PACS2: variants seen among roughly 807,000 people sequenced by gnomAD.
PACS2 encodes the protein phosphofurin acidic cluster sorting protein 2.
Under a neutral mutation model 113.0 loss-of-function variants are expected in PACS2, and 36 were observed. The observed-to-expected ratio is 0.32, with a 90% CI of 0.24 to 0.42. The LOEUF is 0.42. PACS2 is among the 10% of genes least tolerant of loss of function. The pLI is 1.00. For synonymous variants in PACS2, 589 were observed against 536.1 expected (o/e 1.10, Z -1.36); for missense variants, 1,015 against 1,239.5 (o/e 0.82, Z 2.72).
chr14:105,397,486 C>T lies in PACS2; in HGVS notation c.*2814C>T, dbSNP rs1247560966. The T allele has an allele frequency of 6.6e-6, 1 of 152,304 alleles. No individual in the cohort carries two copies. Among genetic ancestry groups the T allele is most frequent in the Non-Finnish European group, 1.5e-5 (1 of 68,108 alleles). 9.4% of individuals were successfully genotyped at this position (152,304 alleles called of 1,614,324 possible). A position where few individuals can be genotyped will look rare whatever the true frequency, so the allele number is the denominator to read the frequency against. ...AAGCCACCAGTCACCACCGAGGCAC[C>T]CCTCAGGCCTGGTGGCCACTGTCCA... On this transcript the variant is annotated 3_prime_UTR_variant, in exon 25 of 25. Transcript: ENST00000447393.
At chr14:105,359,050 G>A (rs1486770778) in intron 4 of PACS2, among the ~76,000 whole-genome samples, 4 of 152,160 alleles carry the variant, frequency 2.6e-5, no homozygotes, top group African/African-American at 9.7e-5. Flanking sequence ...ACTCAGTGTG[G>A]CCCAGGTGTC....
intron 24 of PACS2, chr14:105,394,263 A>G (rs1177570359): frequency 1.0e-6 from 1 of 985,272 alleles, no homozygotes; most frequent in African/African-American, 1.7e-5. Flanking sequence ...GCCTGGCGGA[A>G]GGTGGTGGGG....
intron 17 of PACS2, 73 bp downstream of exon 17, chr14:105,384,536 CCAGG>C: frequency 1.1e-6 from 1 of 910,128 alleles, no homozygotes. Context: ...GATGCTGTGC[CCAGG>C]AGGCCCTGCA....
chr14:105,334,555 G>A (rs1339791152), intron 1 of PACS2, among the ~76,000 whole-genome samples: 1 of 151,536 alleles, frequency 6.6e-6, no homozygotes, highest in South Asian at 2.1e-4. Context: ...CAGTGCCTAC[G>A]TAGAGCTCCA....
chr14:105,367,444 G>A (rs1322414943), intron 5 of PACS2, 69 bp downstream of exon 5: 22 of 1,498,252 alleles, frequency 1.5e-5, no homozygotes, highest in East Asian at 6.8e-5. Flanking sequence ...ATGGCACATC[G>A]GGTGGCAGAA....
chr14:105,380,940 C>T lies in PACS2; in HGVS notation c.1126-17C>T, dbSNP rs587639081. 22 of 1,603,064 alleles carry T rather than the reference C, an allele frequency of 1.4e-5. No individual in the cohort carries two copies. In the South Asian group the frequency reaches 2.0e-4, roughly 15 times the overall value. On this transcript the variant is annotated splice_polypyrimidine_tract_variant and intron_variant, in intron 11 of 24. Coordinates refer to ENST00000447393, the MANE Select transcript of PACS2 (RefSeq NM_001100913.3). Reference sequence around the variant, plus strand: ...GTGGTTTCCACGGGAGGCTCCAGGCCCGTCTCTGCTCAGCAGGGTGTGCCA... The same window carrying T: ...GTGGTTTCCACGGGAGGCTCCAGGCTCGTCTCTGCTCAGCAGGGTGTGCCA...
intron 4 of PACS2, among the ~76,000 whole-genome samples, chr14:105,364,453 CGCG>C (rs2141122576): frequency 1.0e-5 from 1 of 95,280 alleles, no homozygotes; most frequent in Admixed American, 1.1e-4. Flanking sequence ...GTCCCGGGTG[CGCG>C]GTGGGCGGCG....
chr14:105,390,357 C>A, intron 20 of PACS2: 1 of 336,520 alleles, frequency 3.0e-6, no homozygotes, highest in East Asian at 6.2e-5. Context: ...CTTTAGGAGC[C>A]CAAGGCCCCG....
At chr14:105,377,928 G>T (rs969001754) in intron 9 of PACS2, among the ~76,000 whole-genome samples, 2 of 152,238 alleles carry the variant, frequency 1.3e-5, no homozygotes, top group Non-Finnish European at 2.9e-5. Context: ...CAGGCCCAGC[G>T]TGGTGGTTGG....
At chr14:105,359,097 C>T (rs1470392644) in intron 4 of PACS2, among the ~76,000 whole-genome samples, 5 of 152,212 alleles carry the variant, frequency 3.3e-5, no homozygotes, top group South Asian at 4.1e-4. Context: ...CCCTACACGG[C>T]GGTGCATGGC....
At chr14:105,337,309 A>T (rs2140942290) in intron 1 of PACS2, among the ~76,000 whole-genome samples, 1 of 152,220 alleles carries the variant, frequency 6.6e-6, no homozygotes, top group South Asian at 2.1e-4. Flanking sequence ...GTTGGGGTTG[A>T]ATGGGTAGTT....
At chr14:105,388,547 C>T (rs1242455022) in intron 19 of PACS2, 5 of 152,376 alleles carry the variant, frequency 3.3e-5, no homozygotes, top group African/African-American at 1.2e-4. Flanking sequence ...CTCTGAATGA[C>T]CCTGTGCTGG....
intron 4 of PACS2, among the ~76,000 whole-genome samples, chr14:105,360,740 C>T (rs147251546): frequency 2.0e-5 from 3 of 152,184 alleles, no homozygotes; most frequent in Non-Finnish European, 4.4e-5. Context: ...CTCTTCTTTT[C>T]GCAGAATAGT....
intron 1 of PACS2, among the ~76,000 whole-genome samples, chr14:105,303,089 C>T (rs1397154460): frequency 6.6e-6 from 1 of 152,034 alleles, no homozygotes; most frequent in African/African-American, 2.4e-5. Context: ...CCACCACGCC[C>T]AGCTAATTTT....
chr14:105,308,413 C>T (rs2058251996), intron 1 of PACS2, among the ~76,000 whole-genome samples: 1 of 151,298 alleles, frequency 6.6e-6, no homozygotes, highest in African/African-American at 2.4e-5. Context: ...GCCCAGGAGA[C>T]AGAAGTTGCA....
intron 1 of PACS2, among the ~76,000 whole-genome samples, chr14:105,327,881 G>A (rs1488015129): frequency 1.3e-5 from 2 of 150,372 alleles, no homozygotes; most frequent in Admixed American, 6.6e-5. Context: ...ATTGACAGCC[G>A]AGCCTTGGCT....
At chr14:105,385,610 C>A in intron 18 of PACS2, 75 bp from the exon 19 acceptor site, 1 of 1,011,790 alleles carries the variant, frequency 9.9e-7, no homozygotes, top group Non-Finnish European at 1.4e-6. Flanking sequence ...CCACTGAGTG[C>A]CCTCGGCGGT....
rs898644068 is a variant in PACS2, at chr14:105,323,900, A to G, written c.119+8863A>G. Among the ~76,000 whole-genome samples, 3 of 152,214 alleles carry G rather than the reference A, an allele frequency of 2.0e-5. No individual in the cohort carries two copies. Among genetic ancestry groups the G allele is most frequent in the African/African-American group, 7.2e-5 (3 of 41,462 alleles). On this transcript the variant is annotated intron_variant, in intron 1 of 24. Transcript: ENST00000447393. This position sits in a 1 kb window ranked among gnomAD's most constrained non-coding sequence, Gnocchi z 4.1. ...CTTGGGGATTCGGAGGACCTGGCCC[A>G]TCGCCGTGGCCTGCACGGTGCGTGC... is the stretch of plus-strand genomic sequence containing the variant.
chr14:105,391,219 G>A lies in PACS2; in HGVS notation c.2089G>A (p.Gly697Arg). ...FIPFVGVVKV[G>R]IVEPSSATSG... ...TGTTGTTTTCTAGGTTGTGAAGGTT[G>A]GAATTGTGGAGCCATCCTCGGCCAC... The change falls in exon 21 of 25, where the codon GGA (glycine) becomes AGA (arginine). Residue 697 changes from glycine to arginine, a missense_variant. This residue lies in a region of PACS2 where 859 missense variants were observed against 1,056.8 expected (regional missense o/e 0.81). Transcript: ENST00000447393. 6.2e-7 allele frequency: 1 copy of A among 1,613,184 alleles called. No individual in the cohort carries two copies. Among genetic ancestry groups the A allele is most frequent in the Non-Finnish European group, 8.5e-7 (1 of 1,179,396 alleles).
Sources: gnomAD v4.1 joint callset for allele counts (sites outside exome capture counted in the v4.1 genomes callset) on GRCh38, gnomAD v4.1.1 for gene constraint, gnomAD v4.1.1 regional missense constraint, Gnocchi (gnomAD v3.1) non-coding constraint, MANE v1.5 for transcripts, NCBI Gene and HGNC (gene_info 2026-07-23, HGNC 2026-07-21) for gene names.